The following SEMA5B variants were observed in gnomAD, a reference collection of about 807,000 sequenced individuals.
The protein encoded by SEMA5B is semaphorin-5B.
Under a neutral mutation model 135.0 loss-of-function variants are expected in SEMA5B, and 66 were observed. The ratio of observed to expected loss-of-function variants is 0.49; its 90% CI spans 0.40 to 0.60. The LOEUF (loss-of-function observed/expected upper bound fraction) is 0.60. Among genes scored for constraint, SEMA5B ranks in the 20% least tolerant of loss-of-function variants. The pLI is 0.00. For synonymous variants in SEMA5B, 690 were observed against 639.5 expected, an observed-to-expected ratio of 1.08 and a Z score of -1.19; for missense variants, 1,501 against 1,566.3, an observed-to-expected ratio of 0.96 and a Z score of 0.70.
intron 1 of SEMA5B, among the ~76,000 whole-genome samples, chr3:122,967,120 G>C (rs994454854): frequency 3.4e-5 from 5 of 147,168 alleles, no homozygotes; most frequent in Non-Finnish European, 6.0e-5. Flanking sequence ...CCCGACCTCA[G>C]GTGATCTGCC....
intron 9 of SEMA5B, among the ~76,000 whole-genome samples, chr3:122,925,897 C>T (rs984577181): frequency 1.3e-5 from 2 of 151,974 alleles, no homozygotes; most frequent in African/African-American, 4.8e-5. Flanking sequence ...GAGGGTTACT[C>T]GTCCTCACAC....
At chr3:122,958,328 A>AGG (rs1487152982) in intron 2 of SEMA5B, 1 of 152,596 alleles carries the variant, frequency 6.6e-6, no homozygotes. Flanking sequence ...TGCCTGGGAA[A>AGG]GGGGGAGAAA....
chr3:122,928,990 A>G lies in SEMA5B; in HGVS notation c.537+6T>C, dbSNP rs1300948401. 4 of 1,612,066 alleles carry G rather than the reference A, an allele frequency of 2.5e-6. No individual in the cohort carries two copies. On this transcript the variant is annotated splice_donor_region_variant and intron_variant, in intron 6 of 22. Transcript: ENST00000357599. ...GTGGGGCCCCTGGACCGCCGAGACC[A>G]CGTACCTCAGTCTTCCCTTTGCTTT... is the stretch of plus-strand genomic sequence containing the variant.
At chr3:123,021,640 G>A (rs1445744773) in intron 1 of SEMA5B, among the ~76,000 whole-genome samples, 2 of 152,178 alleles carry the variant, frequency 1.3e-5, no homozygotes, top group Admixed American at 1.3e-4. Context: ...CTGGCAAATA[G>A]GGATGGATCT....
At chr3:123,019,922 T>C (rs975636533) in intron 1 of SEMA5B, among the ~76,000 whole-genome samples, 1 of 152,194 alleles carries the variant, frequency 6.6e-6, no homozygotes, top group African/African-American at 2.4e-5. Context: ...GATTCTGACC[T>C]CAAATCAGGG....
chr3:122,999,934 G>A (rs1211069781), intron 1 of SEMA5B, among the ~76,000 whole-genome samples: 3 of 152,238 alleles, frequency 2.0e-5, no homozygotes, highest in African/African-American at 7.2e-5. Context: ...AACAGGTTGG[G>A]CATAGTGGCT....
At chr3:122,979,619 T>C (rs1560402423) in intron 1 of SEMA5B, among the ~76,000 whole-genome samples, 1 of 152,116 alleles carries the variant, frequency 6.6e-6, no homozygotes. Flanking sequence ...AATTGGGATG[T>C]CCCCCCATCA....
chr3:122,992,624 A>G (rs1213982880), intron 1 of SEMA5B, among the ~76,000 whole-genome samples: 4 of 151,942 alleles, frequency 2.6e-5, no homozygotes, highest in Non-Finnish European at 5.9e-5. Context: ...CTCACCCCCT[A>G]TTGGCCCTGC....
intron 1 of SEMA5B, among the ~76,000 whole-genome samples, chr3:122,984,941 C>A (rs1288400730): frequency 3.3e-5 from 5 of 152,132 alleles, no homozygotes; most frequent in Non-Finnish European, 5.9e-5. Context: ...TACACGATTT[C>A]AAATACGTTT....
chr3:122,967,905 G>T (rs1343809734), intron 1 of SEMA5B, among the ~76,000 whole-genome samples: 1 of 152,184 alleles, frequency 6.6e-6, no homozygotes, highest in African/African-American at 2.4e-5. Flanking sequence ...TTCTCTTTTG[G>T]CCCAGGGCTC....
intron 1 of SEMA5B, among the ~76,000 whole-genome samples, chr3:122,961,823 C>G (rs570780175): frequency 4.3e-4 from 65 of 152,228 alleles, no homozygotes; most frequent in African/African-American, 1.4e-3. Context: ...GGTTAGAAGT[C>G]CAATATGGGT....
At chr3:123,017,049 G>C (rs1013491712) in intron 1 of SEMA5B, among the ~76,000 whole-genome samples, 8 of 151,708 alleles carry the variant, frequency 5.3e-5, no homozygotes, top group African/African-American at 1.9e-4. Context: ...CCACCACCAC[G>C]CCCGGCTAAT....
At chr3:123,000,516 C>G (rs553294128) in intron 1 of SEMA5B, among the ~76,000 whole-genome samples, 26 of 152,320 alleles carry the variant, frequency 1.7e-4, no homozygotes, top group Admixed American at 3.3e-4. Flanking sequence ...GCACCTGGCA[C>G]TGTCCAGAGT....
intron 1 of SEMA5B, among the ~76,000 whole-genome samples, chr3:122,971,306 T>A (rs547951806): frequency 6.6e-6 from 1 of 152,364 alleles, no homozygotes; most frequent in Non-Finnish European, 1.5e-5. Context: ...GACGCTGAAT[T>A]ATTTGTTGAA....
chr3:122,910,939 G>A lies in SEMA5B; in HGVS notation c.3198C>T (p.Ser1066=), dbSNP rs1432871606. ...YLSCQHCQRQ[S]QESTLVHPAT... ...CAGGATGGACCAGTGTGGACTCCTGGGACTGACGCTGGCAGTGCTGGCAAG... is the reference window on the plus strand; with the variant it reads ...CAGGATGGACCAGTGTGGACTCCTGAGACTGACGCTGGCAGTGCTGGCAAG... The change falls in exon 22 of 23, where the codon TCC becomes TCT. Residue 1066 remains serine (S), a synonymous_variant. Coordinates refer to ENST00000357599, the MANE Select transcript of SEMA5B (RefSeq NM_001031702.4). 2 of 1,613,888 alleles carry A rather than the reference G, an allele frequency of 1.2e-6. No homozygotes were observed. Among genetic ancestry groups the A allele is most frequent in the South Asian group, 2.2e-5 (2 of 91,066 alleles).
intron 2 of SEMA5B, 133 bp downstream of exon 2, chr3:122,961,007 G>C: frequency 1.1e-6 from 1 of 928,032 alleles, no homozygotes; most frequent in Non-Finnish European, 1.6e-6. Flanking sequence ...TAAAAAGGAA[G>C]AGCTGCTCAA....
At chr3:122,948,829 G>A (rs1026090219) in intron 2 of SEMA5B, 120 bp from the exon 3 acceptor site, 26 of 794,816 alleles carry the variant, frequency 3.3e-5, no homozygotes, top group Non-Finnish European at 4.9e-5. Flanking sequence ...TTGTATTTAT[G>A]TTACTCAGAG....
At chr3:122,968,213 G>A (rs558372321) in intron 1 of SEMA5B, among the ~76,000 whole-genome samples, 144 of 152,374 alleles carry the variant, frequency 9.5e-4, no homozygotes, top group African/African-American at 3.3e-3. Context: ...AGGGCCTTGG[G>A]AGGTGATGTA....
chr3:122,998,079 G>C (rs989419593), intron 1 of SEMA5B, among the ~76,000 whole-genome samples: 5 of 152,222 alleles, frequency 3.3e-5, no homozygotes, highest in African/African-American at 1.2e-4. Context: ...GCCACAGCCT[G>C]TCAAGATGCT....
Sources: allele counts gnomAD v4.1 joint callset (sites outside exome capture counted in the v4.1 genomes callset), GRCh38; gene constraint gnomAD v4.1.1; transcripts MANE v1.5; gene names NCBI Gene and HGNC (gene_info 2026-07-23, HGNC 2026-07-21).